The following MROH1 variants were observed in gnomAD, a reference collection of about 807,000 sequenced individuals.
The protein encoded by MROH1 is maestro heat like repeat family member 1.
A neutral mutation model predicts 116.5 loss-of-function variants in MROH1; 117 were observed. The ratio of observed to expected loss-of-function variants is 1.00; its 90% CI spans 0.86 to 1.17. The LOEUF is 1.17. Ranked by LOEUF, MROH1 falls within the 50% of genes most tolerant of loss-of-function variation. MROH1 has a pLI of 0.00. For synonymous variants in MROH1, 921 were observed against 583.9 expected, an observed-to-expected ratio of 1.58 and a Z score of -8.32; for missense variants, 1,873 against 1,338.5, an observed-to-expected ratio of 1.40 and a Z score of -6.23.
In MROH1 at chr8:144,180,453, CG is replaced by C. The variant is rs1564410915; in HGVS notation, c.493del (p.Val165SerfsTer2). 1 of 1,613,056 alleles carries C rather than the reference CG, an allele frequency of 6.2e-7. No homozygotes were observed. Among genetic ancestry groups the C allele is most frequent in the Non-Finnish European group, 8.5e-7 (1 of 1,179,804 alleles). ...AFGVVPFLPSVLSSLLPVLGV... is the reference protein window; with the variant it reads ...AFGVVPFLPSXLSSLLPVLGV... ...TCGGCGTAGTCCCCTTCCTGCCATC[CG>C]TCCTGAGCTCCCTGCTGCCCGTGCT... is the stretch of plus-strand genomic sequence containing the variant. On this transcript the variant is annotated frameshift_variant, in exon 7 of 44. Transcript: ENST00000326134. LOFTEE classifies it high-confidence loss of function. The surrounding 1 kb of genome is among the most constrained non-coding windows in gnomAD (Gnocchi z 7.4).
Position 144,249,257 on chromosome 8 carries a change from C to T in MROH1, c.3273+228C>T, listed in dbSNP as rs999462218. On this transcript the variant is annotated intron_variant, in intron 32 of 43. Transcript: ENST00000326134. ...AGGACTACCATGGAGAAATCTTTCT[C>T]TTATGTCTGAAGACAGGGGTTAGAA... Among the ~76,000 whole-genome samples, 93 of 152,268 alleles carry T rather than the reference C, an allele frequency of 6.1e-4. 1 individual carries two copies. Among genetic ancestry groups the T allele is most frequent in the Admixed American group, 5.9e-3 (91 of 15,304 alleles).
At chr8:144,255,993 A>G (rs2129652610) in intron 35 of MROH1, among the ~76,000 whole-genome samples, 1 of 152,340 alleles carries the variant, frequency 6.6e-6, no homozygotes, top group Non-Finnish European at 1.5e-5. Context: ...GTGGCAGCTC[A>G]GGCAGGATCC....
chr8:144,237,825 G>A (rs1387185361), intron 14 of MROH1, among the ~76,000 whole-genome samples: 5 of 151,962 alleles, frequency 3.3e-5, no homozygotes, highest in Non-Finnish European at 7.4e-5. Context: ...GCATTTTTTC[G>A]CACAGGCATT....
intron 14 of MROH1, among the ~76,000 whole-genome samples, chr8:144,227,804 T>A (rs1385836337): frequency 6.6e-6 from 1 of 151,590 alleles, no homozygotes; most frequent in African/African-American, 2.4e-5. Flanking sequence ...AAAAAAAAAA[T>A]TAGCTGGGCC....
intron 14 of MROH1, among the ~76,000 whole-genome samples, chr8:144,236,896 C>CTTTTT (rs1164804321): frequency 1.4e-5 from 1 of 69,320 alleles, no homozygotes; most frequent in African/African-American, 5.9e-5. Flanking sequence ...TCTCCTATTC[C>CTTTTT]TTTTTTTTTT....
intron 31 of MROH1, among the ~76,000 whole-genome samples, chr8:144,248,076 A>G (rs1394545006): frequency 6.6e-6 from 1 of 152,194 alleles, no homozygotes; most frequent in Admixed American, 6.5e-5. Flanking sequence ...GCTACCCAAG[A>G]GCCACGTGGG....
rs906523677 is a variant in MROH1 at position 144,244,487 on chromosome 8, C to T, written c.2714C>T (p.Thr905Met). The change falls in exon 28 of 44, where the codon ACG becomes ATG. Residue 905 changes from threonine (T) to methionine (M), a missense_variant. Transcript: ENST00000326134. ...CTGCACGCCCTTGAGGATCTGCTGA[C>T]GAGCCTCCTGCAGCGGAACATGACC... is the stretch of plus-strand genomic sequence containing the variant. ...ETLHALEDLL[T>M]SLLQRNMTPQ... 7.0e-5 allele frequency: 54 copies of T among 774,156 alleles called. No homozygotes were observed. Among genetic ancestry groups the T allele is most frequent in the Non-Finnish European group, 1.1e-4 (46 of 415,034 alleles). The allele number at this position is 774,156 out of a possible 1,614,324, so 48.0% of individuals were successfully genotyped here.
intron 35 of MROH1, among the ~76,000 whole-genome samples, chr8:144,255,930 T>C (rs907332498): frequency 7.2e-5 from 11 of 152,226 alleles, no homozygotes; most frequent in Non-Finnish European, 1.3e-4. Flanking sequence ...TCCTCGCCTC[T>C]GCGGGCGGTC....
Position 144,180,144 on chromosome 8 carries a change from C to A in MROH1, c.301-34C>A. ...CTGAGGGCAGAATGTCTTGGTCTTGCCTTTTGGTCTACCTGCCGGTGTTTT... is the reference window on the plus strand; with the variant it reads ...CTGAGGGCAGAATGTCTTGGTCTTGACTTTTGGTCTACCTGCCGGTGTTTT... On this transcript the variant is annotated intron_variant, in intron 5 of 43. Transcript: ENST00000326134. The surrounding 1 kb of genome is among the most constrained non-coding windows in gnomAD (Gnocchi z 7.4). 2.5e-6 allele frequency: 4 copies of A among 1,612,062 alleles called. No individual in the cohort carries two copies. The South Asian group carries it at 4.4e-5, about 18-fold the overall frequency.
At chr8:144,238,562 G>A (rs1046582792) in intron 14 of MROH1, among the ~76,000 whole-genome samples, 194 bp from the exon 15 acceptor site, 1 of 152,230 alleles carries the variant, frequency 6.6e-6, no homozygotes, top group African/African-American at 2.4e-5. Flanking sequence ...TTTTGAAGAT[G>A]AGAACTGAGG....
chr8:144,251,631 G>T (rs935718733), intron 33 of MROH1: 1 of 150,302 alleles, frequency 6.7e-6, no homozygotes, highest in African/African-American at 2.5e-5. Flanking sequence ...CATGACCATT[G>T]TTCCTGGGCA....
intron 3 of MROH1, among the ~76,000 whole-genome samples, chr8:144,165,065 C>T (rs1332836733): frequency 6.6e-6 from 1 of 151,950 alleles, no homozygotes; most frequent in African/African-American, 2.4e-5. Flanking sequence ...CTCAAGCCAT[C>T]CTCCCACCTC....
At chr8:144,195,212 A>AC in intron 10 of MROH1, among the ~76,000 whole-genome samples, 1 of 138,682 alleles carries the variant, frequency 7.2e-6, no homozygotes, top group Non-Finnish European at 1.6e-5. Flanking sequence ...AAAAAAAAAA[A>AC]AAAAAAAGGC....
Position 144,243,542 on chromosome 8 carries a change from C to A in MROH1, c.2401C>A (p.Arg801Ser). 1 of 780,186 alleles carries A rather than the reference C, an allele frequency of 1.3e-6. No individual in the cohort carries two copies. The highest frequency in any genetic ancestry group is 2.4e-6 in the Non-Finnish European group (1 of 417,828). 48.3% of individuals were successfully genotyped at this position (780,186 alleles called of 1,614,324 possible). Residue 801 changes from arginine to serine, a missense_variant, in exon 25 of 44, where the codon CGC (arginine) becomes AGC (serine). By Grantham distance (110) the Arg-to-Ser change is moderately radical (BLOSUM62 -1). Transcript: ENST00000326134. The stretch of plus-strand genomic sequence containing the variant: ...TGTCCAGAGTGTGTGCATGGTCAGC[C>A]GCGCCATCTGCAGCAGCACCCAGGC... ...CLVQSVCMVS[R>S]AICSSTQAGS...
chr8:144,210,604 G>A (rs1190643619), intron 12 of MROH1, among the ~76,000 whole-genome samples: 7 of 152,210 alleles, frequency 4.6e-5, no homozygotes, highest in Non-Finnish European at 8.8e-5. Context: ...CATGAGAATC[G>A]CTTGAGCCCA....
At position 144,249,043 on chromosome 8, in the gene MROH1, G is replaced by T; in HGVS notation, c.3273+14G>T. The stretch of plus-strand genomic sequence containing the variant: ...CTCCAGGAGAAGGTGGGAGAGGGCG[G>T]GGCGCGGGGGGTGCTCCAGGAGAAG... On this transcript the variant is annotated intron_variant, in intron 32 of 43. Coordinates refer to ENST00000326134, the MANE Select transcript of MROH1 (RefSeq NM_032450.3). 1.4e-6 allele frequency: 1 copy of T among 696,342 alleles called. No homozygotes were observed. The highest frequency in any genetic ancestry group is 1.5e-5 in the South Asian group (1 of 66,582). The allele number at this position is 696,342 out of a possible 1,614,324, so 43.1% of individuals were successfully genotyped here. A position where few individuals can be genotyped will look rare whatever the true frequency, so the allele number is the denominator to read the frequency against.
chr8:144,256,414 T>A (rs1219815887), intron 35 of MROH1, among the ~76,000 whole-genome samples: 1 of 135,568 alleles, frequency 7.4e-6, no homozygotes, highest in Non-Finnish European at 1.7e-5. Flanking sequence ...CTGCCCCCCT[T>A]GGCCAGGACA....
chr8:144,160,340 C>T (rs750412946), intron 1 of MROH1, among the ~76,000 whole-genome samples: 3 of 152,146 alleles, frequency 2.0e-5, no homozygotes, highest in African/African-American at 4.8e-5. Flanking sequence ...CTTTCCACTC[C>T]GGCTGCTGGG....
intron 16 of MROH1, 24 bp from the exon 17 acceptor site, chr8:144,239,299 A>ACT: frequency 1.3e-6 from 1 of 778,626 alleles, no homozygotes; most frequent in Non-Finnish European, 2.4e-6. Context: ...CCCCCCACTG[A>ACT]CTATTTCCAC....
Sources: allele counts gnomAD v4.1 joint callset (sites outside exome capture counted in the v4.1 genomes callset), GRCh38; gene constraint gnomAD v4.1.1; non-coding constraint Gnocchi (gnomAD v3.1); transcripts MANE v1.5; gene names NCBI Gene and HGNC (gene_info 2026-07-23, HGNC 2026-07-21).